Variants in PRKN observed in about 807,000 individuals in gnomAD.
The protein encoded by PRKN is parkin RBR E3 ubiquitin protein ligase.
A neutral mutation model predicts 59.5 loss-of-function variants in PRKN; 56 were observed. That is an observed-to-expected ratio of 0.94 (90% CI 0.76 to 1.18). PRKN has a LOEUF of 1.18. PRKN is among the 50% of genes most tolerant of loss of function. The probability of loss-of-function intolerance (pLI) is 0.00; values close to 1 mark genes in which losing one functional copy is unlikely to be tolerated. For missense variants in PRKN, 657 were observed against 596.4 expected, an observed-to-expected ratio of 1.10 and a Z score of -1.06; for synonymous variants, 250 against 222.1, an observed-to-expected ratio of 1.13 and a Z score of -1.12.
intron 4 of PRKN, among the ~76,000 whole-genome samples, chr6:162,182,491 G>A (rs188766916): frequency 4.8e-4 from 73 of 152,242 alleles, no homozygotes; most frequent in South Asian, 8.3e-4. Flanking sequence ...TACTGACATG[G>A]GACAGTGAAG....
chr6:162,259,784 A>C (rs1001604672), intron 3 of PRKN, among the ~76,000 whole-genome samples: 1 of 152,224 alleles, frequency 6.6e-6, no homozygotes, highest in African/African-American at 2.4e-5. Context: ...GTAAACATGT[A>C]TCACCACTCT....
intron 1 of PRKN, among the ~76,000 whole-genome samples, chr6:162,614,432 A>G (rs968977845): frequency 1.3e-5 from 2 of 152,196 alleles, no homozygotes; most frequent in South Asian, 2.1e-4. Flanking sequence ...AATAATTTAT[A>G]TATGTTAACT....
intron 6 of PRKN, among the ~76,000 whole-genome samples, chr6:161,837,019 T>C (rs1176340228): frequency 6.6e-6 from 1 of 152,168 alleles, no homozygotes; most frequent in Non-Finnish European, 1.5e-5. Flanking sequence ...CAGCTCACAC[T>C]ATAAAGAGCA....
intron 10 of PRKN, among the ~76,000 whole-genome samples, chr6:161,370,467 C>CTGT (rs1256613672): frequency 1.3e-5 from 2 of 150,850 alleles, no homozygotes; most frequent in Non-Finnish European, 2.9e-5. Flanking sequence ...TGGCAGGCAC[C>CTGT]TGTAGTCCCA....
rs184927494 is a variant in PRKN, at chr6:161,536,725, G to A, written c.1083+12129C>T. On this transcript the variant is annotated intron_variant, in intron 9 of 11. Transcript: ENST00000366898. ...TGATTATACATCAGTGACGTTTAAT[G>A]TGATGCTCAGAATATTAAAAGCATA... Among the ~76,000 whole-genome samples the A allele has an allele frequency of 2.2e-3, 342 of 152,128 alleles. 4 individuals are homozygous for A. Among genetic ancestry groups the A allele is most frequent in the Middle Eastern group, 0.01 (3 of 294 alleles).
chr6:162,621,864 G>A (rs770531149), intron 1 of PRKN, among the ~76,000 whole-genome samples: 7 of 152,110 alleles, frequency 4.6e-5, no homozygotes, highest in Non-Finnish European at 8.8e-5. Flanking sequence ...GGCCCAGGCT[G>A]GAGGGCAGTG....
At chr6:161,439,191 C>G (rs1051023174) in intron 9 of PRKN, among the ~76,000 whole-genome samples, 1 of 152,176 alleles carries the variant, frequency 6.6e-6, no homozygotes, top group Admixed American at 6.5e-5. Context: ...AGGAAGCTGA[C>G]GCCAACGGGC....
intron 2 of PRKN, among the ~76,000 whole-genome samples, chr6:162,398,036 C>CAAAAAAA (rs10707854): frequency 1.2e-5 from 1 of 83,752 alleles, no homozygotes; most frequent in Non-Finnish European, 2.7e-5. Context: ...GATTCTGACT[C>CAAAAAAA]AAAAAAAAAA....
chr6:162,478,003 G>A (rs1562316637), intron 1 of PRKN, among the ~76,000 whole-genome samples: 1 of 152,080 alleles, frequency 6.6e-6, no homozygotes, highest in Non-Finnish European at 1.5e-5. Context: ...CTAAAGCGCA[G>A]GGTCCTAGAG....
chr6:162,593,680 G>C (rs1781390825), intron 1 of PRKN, among the ~76,000 whole-genome samples: 2 of 152,144 alleles, frequency 1.3e-5, no homozygotes, highest in Non-Finnish European at 2.9e-5. Context: ...CGGGCCCAGA[G>C]GAAGGGCAAC....
chr6:162,226,736 G>A (rs55920659), intron 3 of PRKN, among the ~76,000 whole-genome samples: 63,621 of 152,020 alleles, frequency 0.42, 15,248 homozygotes, highest in East Asian at 0.8. Context: ...GTTTCACCGT[G>A]TTGGTCAGGC....
intron 9 of PRKN, among the ~76,000 whole-genome samples, chr6:161,406,982 G>GCCCCT (rs1312948947): frequency 6.6e-6 from 1 of 152,082 alleles, no homozygotes; most frequent in African/African-American, 2.4e-5. Flanking sequence ...ATGAGCTTAG[G>GCCCCT]CCAGCCAAGG....
chr6:161,698,172 C>G (rs1006060316), intron 7 of PRKN, among the ~76,000 whole-genome samples: 3 of 151,996 alleles, frequency 2.0e-5, no homozygotes, highest in Non-Finnish European at 2.9e-5. Context: ...ACTTAAAGAT[C>G]TATATATTTA....
At chr6:162,505,214 A>G (rs781084491) in intron 1 of PRKN, among the ~76,000 whole-genome samples, 1 of 152,198 alleles carries the variant, frequency 6.6e-6, no homozygotes, top group Non-Finnish European at 1.5e-5. Flanking sequence ...CACTATTTTC[A>G]TATGTTCAAG....
At chr6:162,164,253 C>T (rs144624392) in intron 4 of PRKN, among the ~76,000 whole-genome samples, 2,249 of 149,094 alleles carry the variant, frequency 0.015, 173 homozygotes, top group Non-Finnish European at 0.019. Flanking sequence ...TGTTTGGAGA[C>T]GGTCTTGCTC....
In PRKN at chr6:162,313,890, A is replaced by C. The variant is rs182541049; in HGVS notation, c.172-51125T>G. ...ATGCTGCTGTGAACGTGGGTATGTA[A>C]AATCAAATTTTTAGCAAAGAAATCT... On this transcript the variant is annotated intron_variant, in intron 2 of 11. Transcript: ENST00000366898. 6.6e-5 allele frequency among the ~76,000 whole-genome samples: 10 copies of C among 152,272 alleles called. 1 individual carries two copies. In the East Asian group the frequency reaches 1.9e-3, roughly 29 times the overall value.
chr6:161,875,121 A>T (rs1422847657), intron 6 of PRKN, among the ~76,000 whole-genome samples: 6 of 131,852 alleles, frequency 4.6e-5, no homozygotes, highest in African/African-American at 1.8e-4. Context: ...TTATATATAA[A>T]GTATATATTA....
chr6:162,707,430 T>C (rs1778376081), intron 1 of PRKN, among the ~76,000 whole-genome samples: 1 of 152,190 alleles, frequency 6.6e-6, no homozygotes, highest in Admixed American at 6.5e-5. Context: ...GTATTTACCA[T>C]GGCAGGAAAA....
At chr6:161,684,889 G>A (rs58493954) in intron 7 of PRKN, among the ~76,000 whole-genome samples, 3,050 of 151,934 alleles carry the variant, frequency 0.02, 129 homozygotes, top group African/African-American at 0.069. Context: ...GAGAGGCCAT[G>A]CATCTCTTAC....
Sources: allele counts gnomAD v4.1 joint callset (sites outside exome capture counted in the v4.1 genomes callset), GRCh38; gene constraint gnomAD v4.1.1; transcripts MANE v1.5; gene names NCBI Gene and HGNC (gene_info 2026-07-23, HGNC 2026-07-21).